MGAT4C: variants seen among roughly 807,000 people sequenced by gnomAD.
MGAT4C encodes the protein alpha-1,3-mannosyl-glycoprotein 4-beta-N-acetylglucosaminyltransferase C.
MGAT4C carries 19 observed loss-of-function variants against 40.1 expected under a neutral mutation model. The observed-to-expected ratio is 0.47, with a 90% CI of 0.33 to 0.70. The LOEUF (loss-of-function observed/expected upper bound fraction) is 0.70, where lower values mean the gene tolerates loss of function less well. MGAT4C is among the 30% of genes least tolerant of loss of function. The pLI is 0.02. For synonymous variants in MGAT4C, 181 were observed against 187.1 expected (o/e 0.97, Z 0.27); for missense variants, 491 against 563.2 (o/e 0.87, Z 1.30).
intron 1 of MGAT4C, among the ~76,000 whole-genome samples, chr12:86,753,839 T>C (rs1411952701): frequency 6.6e-6 from 1 of 151,780 alleles, no homozygotes; most frequent in African/African-American, 2.4e-5. Flanking sequence ...CTGCCTAAGA[T>C]TTAAAAAGAT....
At chr12:86,362,498 G>C (rs1000426817) in intron 3 of MGAT4C, among the ~76,000 whole-genome samples, 6 of 151,514 alleles carry the variant, frequency 4.0e-5, no homozygotes, top group Non-Finnish European at 5.9e-5. Flanking sequence ...AAAAAAATAG[G>C]CACACCAATT....
At chr12:86,344,488 T>G (rs1954973493) in intron 3 of MGAT4C, among the ~76,000 whole-genome samples, 1 of 152,142 alleles carries the variant, frequency 6.6e-6, no homozygotes, top group African/African-American at 2.4e-5. Context: ...CTTTTAAAAT[T>G]TTGTCAAACA....
At chr12:86,751,474 T>C (rs554781799) in intron 1 of MGAT4C, among the ~76,000 whole-genome samples, 26 of 152,132 alleles carry the variant, frequency 1.7e-4, no homozygotes, top group Middle Eastern at 3.4e-3. Context: ...GTAAAAACTA[T>C]TGAAATTTTA....
chr12:86,836,025 A>G (rs1380995658), intron 1 of MGAT4C, among the ~76,000 whole-genome samples: 1 of 151,908 alleles, frequency 6.6e-6, no homozygotes, highest in Non-Finnish European at 1.5e-5. Flanking sequence ...ATGTGATCCC[A>G]CTCCCAACAA....
At chr12:86,657,489 G>A (rs1963879297) in intron 2 of MGAT4C, among the ~76,000 whole-genome samples, 1 of 151,698 alleles carries the variant, frequency 6.6e-6, no homozygotes, top group Non-Finnish European at 1.5e-5. Context: ...AGAAATACAG[G>A]AAAATTAGAA....
chr12:86,739,197 A>T (rs539107809), intron 1 of MGAT4C, among the ~76,000 whole-genome samples: 2 of 149,592 alleles, frequency 1.3e-5, no homozygotes, highest in African/African-American at 4.9e-5. Context: ...GCTTTTTGGA[A>T]AGCAAACAAA....
intron 2 of MGAT4C, among the ~76,000 whole-genome samples, chr12:86,717,193 AG>A (rs1160907822): frequency 1.3e-5 from 2 of 151,980 alleles, no homozygotes; most frequent in Non-Finnish European, 2.9e-5. Flanking sequence ...CAAAAAAAAA[AG>A]CTCAGAAAGA....
chr12:86,356,865 T>C (rs1393648190), intron 3 of MGAT4C, among the ~76,000 whole-genome samples: 2 of 152,136 alleles, frequency 1.3e-5, no homozygotes, highest in African/African-American at 4.8e-5. Flanking sequence ...CAAGGAGGCC[T>C]GCCTGCCTCT....
At chr12:86,158,514 TTTC>T (rs963254937) in intron 1 of MGAT4C, among the ~76,000 whole-genome samples, 32 of 152,292 alleles carry the variant, frequency 2.1e-4, no homozygotes, top group African/African-American at 7.0e-4. Context: ...TGTAACTTTA[TTTC>T]TTCTTCTTAT....
intron 1 of MGAT4C, among the ~76,000 whole-genome samples, chr12:86,154,586 T>C (rs1055554900): frequency 1.3e-5 from 2 of 152,178 alleles, no homozygotes; most frequent in Non-Finnish European, 1.5e-5. Flanking sequence ...CAGGCTGAGA[T>C]CAGTTGGTAA....
At chr12:86,821,927 G>A (rs1016286052) in intron 1 of MGAT4C, among the ~76,000 whole-genome samples, 4 of 150,712 alleles carry the variant, frequency 2.7e-5, no homozygotes, top group East Asian at 1.9e-4. Flanking sequence ...TTATTATAAC[G>A]GTGGTAGGTA....
At chr12:86,147,943 A>C (rs2135757591) in intron 1 of MGAT4C, among the ~76,000 whole-genome samples, 1 of 152,308 alleles carries the variant, frequency 6.6e-6, no homozygotes, top group Middle Eastern at 3.4e-3. Context: ...TCTAAGGCTA[A>C]ATTTAAAGCC....
At chr12:86,582,631 G>C (rs1395251127) in intron 2 of MGAT4C, among the ~76,000 whole-genome samples, 1 of 151,202 alleles carries the variant, frequency 6.6e-6, no homozygotes, top group Non-Finnish European at 1.5e-5. Flanking sequence ...GAAATATAAT[G>C]AATTAAATTT....
At chr12:86,196,258 CCT>C (rs1487589688) in intron 1 of MGAT4C, among the ~76,000 whole-genome samples, 3 of 152,270 alleles carry the variant, frequency 2.0e-5, no homozygotes, top group Non-Finnish European at 4.4e-5. Context: ...GGACACCAGC[CCT>C]GTTTGCCTAA....
At chr12:86,218,051 T>A (rs1274286271) in intron 1 of MGAT4C, among the ~76,000 whole-genome samples, 1 of 151,270 alleles carries the variant, frequency 6.6e-6, no homozygotes, top group Non-Finnish European at 1.5e-5. Context: ...AAACGAGAAC[T>A]TTTTTTTTGG....
At chr12:86,412,765 G>C (rs1425562502) in intron 3 of MGAT4C, among the ~76,000 whole-genome samples, 2 of 152,098 alleles carry the variant, frequency 1.3e-5, no homozygotes, top group African/African-American at 4.8e-5. Context: ...AGATTTGAGA[G>C]GGACCATGGA....
At chr12:86,427,271 C>G (rs1395497986) in intron 3 of MGAT4C, among the ~76,000 whole-genome samples, 1 of 152,072 alleles carries the variant, frequency 6.6e-6, no homozygotes, top group Non-Finnish European at 1.5e-5. Flanking sequence ...TGACTTTGAC[C>G]ATCCAATTAC....
intron 1 of MGAT4C, among the ~76,000 whole-genome samples, chr12:86,078,424 T>C (rs1337253997): frequency 6.6e-6 from 1 of 152,218 alleles, no homozygotes; most frequent in Non-Finnish European, 1.5e-5. Context: ...TAAGGCATTC[T>C]GTGAGTCCAC....
rs534137403 is a variant in MGAT4C at position 86,199,120 on chromosome 12, G to GCTA, written c.-57+57116_-57+57118dup. On this transcript the variant is annotated intron_variant, in intron 1 of 4. Transcript: ENST00000611864. ...ATCTTGATAGACTGTTGCTGCTACT[G>GCTA]CTACTGCTGCTGCTGCTGCTGCATC... 1.2e-3 allele frequency among the ~76,000 whole-genome samples: 182 copies of GCTA among 152,254 alleles called. 2 individuals carry two copies. In the East Asian group the frequency reaches 0.033, roughly 28 times the overall value.
Sources: allele counts gnomAD v4.1 joint callset (sites outside exome capture counted in the v4.1 genomes callset), GRCh38; gene constraint gnomAD v4.1.1; transcripts MANE v1.5; gene names NCBI Gene and HGNC (gene_info 2026-07-23, HGNC 2026-07-21).